The following ASTN2 variants were observed in gnomAD, a reference collection of about 807,000 sequenced individuals.
ASTN2 encodes astrotactin 2.
In ASTN2, 54 loss-of-function variants were observed where a neutral mutation model predicts 139.8. The ratio of observed to expected loss-of-function variants is 0.39; its 90% CI spans 0.31 to 0.48. The LOEUF (loss-of-function observed/expected upper bound fraction) is 0.48. ASTN2 is among the 20% of genes least tolerant of loss of function. ASTN2 has a pLI of 0.95. For synonymous variants in ASTN2, 756 were observed against 719.5 expected (o/e 1.05, Z -0.81); for missense variants, 1,565 against 1,725.1 (o/e 0.91, Z 1.64).
intron 19 of ASTN2, among the ~76,000 whole-genome samples, chr9:116,511,205 A>C (rs974184684): frequency 1.3e-5 from 2 of 152,160 alleles, no homozygotes; most frequent in African/African-American, 4.8e-5. Context: ...GAGAGTTTTT[A>C]GCATGAAGGG....
At chr9:116,677,825 T>C (rs886329966) in intron 16 of ASTN2, among the ~76,000 whole-genome samples, 2 of 152,168 alleles carry the variant, frequency 1.3e-5, no homozygotes, top group African/African-American at 4.8e-5. Flanking sequence ...TATTTGGCCC[T>C]AGAAAGGCAT....
intron 13 of ASTN2, among the ~76,000 whole-genome samples, chr9:116,802,278 G>C (rs1474078295): frequency 6.6e-6 from 1 of 151,996 alleles, no homozygotes; most frequent in Non-Finnish European, 1.5e-5. Flanking sequence ...AGTAGAGACA[G>C]CATTTCATCA....
chr9:117,263,948 C>T (rs953232560), intron 2 of ASTN2, among the ~76,000 whole-genome samples: 2 of 152,112 alleles, frequency 1.3e-5, no homozygotes, highest in Admixed American at 6.5e-5. Context: ...AGGTGGATCA[C>T]TTCAGCCCTG....
intron 16 of ASTN2, among the ~76,000 whole-genome samples, chr9:116,679,412 C>T (rs1191302117): frequency 2.0e-5 from 3 of 152,072 alleles, no homozygotes; most frequent in Admixed American, 6.6e-5. Context: ...TTCTTTGGAA[C>T]ATTTGTGTAA....
intron 1 of ASTN2, among the ~76,000 whole-genome samples, chr9:117,319,142 CT>C (rs902566526): frequency 9.9e-5 from 15 of 152,076 alleles, no homozygotes; most frequent in Middle Eastern, 3.4e-3. Context: ...TATGGATGAG[CT>C]TTTTTTTATT....
At chr9:116,967,368 C>A (rs915422917) in intron 10 of ASTN2, among the ~76,000 whole-genome samples, 3 of 152,186 alleles carry the variant, frequency 2.0e-5, no homozygotes, top group African/African-American at 4.8e-5. Flanking sequence ...CTATTCACTT[C>A]GCCCAATACC....
chr9:117,402,005 A>G (rs1830844266), intron 1 of ASTN2, among the ~76,000 whole-genome samples: 1 of 152,216 alleles, frequency 6.6e-6, no homozygotes, highest in Non-Finnish European at 1.5e-5. Flanking sequence ...ATGGGAAAGG[A>G]TGGCAGCTTG....
intron 5 of ASTN2, among the ~76,000 whole-genome samples, chr9:117,090,269 A>G (rs1312119003): frequency 2.6e-5 from 4 of 152,230 alleles, no homozygotes; most frequent in African/African-American, 9.6e-5. Flanking sequence ...CCACTTACAG[A>G]AAAATGTTGC....
rs1252242146 is a variant in ASTN2 at position 117,170,551 on chromosome 9, C to A, written c.1016-29073G>T. On this transcript the variant is annotated intron_variant, in intron 3 of 22. Coordinates refer to ENST00000313400, the MANE Select transcript of ASTN2 (RefSeq NM_001365068.1). ...AAGCTTTGTCAGATGATGCTAAACA[C>A]TAAAGAGAAAGATCAGGCAGGAAAA... is the stretch of plus-strand genomic sequence containing the variant. Among the ~76,000 whole-genome samples the A allele has an allele frequency of 2.0e-5, 3 of 152,008 alleles. No individual in the cohort carries two copies. In the East Asian group the frequency reaches 5.8e-4, roughly 30 times the overall value.
At chr9:117,355,594 C>T (rs1163950679) in intron 1 of ASTN2, among the ~76,000 whole-genome samples, 1 of 152,124 alleles carries the variant, frequency 6.6e-6, no homozygotes, top group African/African-American at 2.4e-5. Context: ...GAGGGGCTGC[C>T]AGGACAGAAA....
chr9:117,155,184 T>C (rs1830405647), intron 3 of ASTN2, among the ~76,000 whole-genome samples: 1 of 152,046 alleles, frequency 6.6e-6, no homozygotes. Context: ...TGAATTGTCT[T>C]CTTCTTTTCC....
At chr9:117,066,712 T>C (rs1223278188) in intron 5 of ASTN2, among the ~76,000 whole-genome samples, 1 of 152,242 alleles carries the variant, frequency 6.6e-6, no homozygotes, top group Non-Finnish European at 1.5e-5. Flanking sequence ...ATTGCCATTC[T>C]AACTGGTGTG....
At chr9:117,284,811 C>A (rs939642458) in intron 2 of ASTN2, among the ~76,000 whole-genome samples, 1 of 152,162 alleles carries the variant, frequency 6.6e-6, no homozygotes, top group Non-Finnish European at 1.5e-5. Flanking sequence ...ACAGGTAATT[C>A]CATCAGAGAA....
chr9:116,965,127 T>C (rs2183476), intron 10 of ASTN2, among the ~76,000 whole-genome samples: 1 of 152,222 alleles, frequency 6.6e-6, no homozygotes. Context: ...TTCCCCAGCT[T>C]AGTCTGTTTG....
At chr9:116,837,337 T>C (rs752674289) in intron 11 of ASTN2, among the ~76,000 whole-genome samples, 15 of 152,148 alleles carry the variant, frequency 9.9e-5, no homozygotes, top group Admixed American at 1.3e-4. Flanking sequence ...ATATCCCTCA[T>C]TCTGCTCTAT....
chr9:116,540,753 A>G (rs1327694183), intron 19 of ASTN2: 1 of 152,216 alleles, frequency 6.6e-6, no homozygotes, highest in East Asian at 1.9e-4. Context: ...AATTTAGTGG[A>G]TTTTAAAATT....
At chr9:116,674,309 A>C (rs530058811) in intron 16 of ASTN2, among the ~76,000 whole-genome samples, 1 of 152,330 alleles carries the variant, frequency 6.6e-6, no homozygotes, top group East Asian at 1.9e-4. Context: ...TCAGACACTG[A>C]TATTCAGTGA....
chr9:117,091,920 G>A (rs920185741), intron 5 of ASTN2, among the ~76,000 whole-genome samples: 1 of 152,166 alleles, frequency 6.6e-6, no homozygotes, highest in Non-Finnish European at 1.5e-5. Flanking sequence ...AGCAAGAGAG[G>A]ACTTTTAGCA....
At chr9:116,947,717 C>T (rs747918680) in intron 10 of ASTN2, among the ~76,000 whole-genome samples, 5 of 152,258 alleles carry the variant, frequency 3.3e-5, no homozygotes, top group South Asian at 2.1e-4. Flanking sequence ...CAACCAGATG[C>T]CCCATTAATC....
Sources: gnomAD v4.1 joint callset for allele counts (sites outside exome capture counted in the v4.1 genomes callset) on GRCh38, gnomAD v4.1.1 for gene constraint, MANE v1.5 for transcripts, NCBI Gene and HGNC (gene_info 2026-07-23, HGNC 2026-07-21) for gene names.